Variants in DPYSL3 observed in about 807,000 individuals in gnomAD.
DPYSL3 encodes dihydropyrimidinase-related protein 3.
A neutral mutation model predicts 66.1 loss-of-function variants in DPYSL3; 16 were observed. The observed-to-expected ratio is 0.24, with a 90% CI of 0.16 to 0.37. The LOEUF is 0.37. Among genes scored for constraint, DPYSL3 ranks in the 10% least tolerant of loss-of-function variants. The pLI is 1.00. For missense variants in DPYSL3, 738 were observed against 916.2 expected, an observed-to-expected ratio of 0.81 and a Z score of 2.51; for synonymous variants, 338 against 345.1, an observed-to-expected ratio of 0.98 and a Z score of 0.23.
chr5:147,421,630 C>A (rs1467138613), intron 2 of DPYSL3, among the ~76,000 whole-genome samples: 1 of 152,116 alleles, frequency 6.6e-6, no homozygotes, highest in African/African-American at 2.4e-5. Context: ...TCACAGTAAC[C>A]AAAACAGCAT....
At chr5:147,492,475 A>T (rs1464300665) in intron 1 of DPYSL3, among the ~76,000 whole-genome samples, 2 of 152,160 alleles carry the variant, frequency 1.3e-5, no homozygotes, top group Non-Finnish European at 2.9e-5. Context: ...GCTGATGTAC[A>T]TACATCTGCT....
In DPYSL3 at chr5:147,441,441, T is replaced by A. The variant is rs540554837; in HGVS notation, c.382-16478A>T. 1.8e-3 allele frequency among the ~76,000 whole-genome samples: 273 copies of A among 152,264 alleles called. 3 individuals are homozygous for A. The highest frequency in any genetic ancestry group is 6.0e-3 in the African/African-American group (248 of 41,542). On this transcript the variant is annotated intron_variant, in intron 1 of 13. Coordinates refer to ENST00000343218, the MANE Select transcript of DPYSL3 (RefSeq NM_001197294.2). ...CCCAGTCAGAGTGGATTAGGGCCCA[T>A]CCTAATGACCTCATTTAACTTAATT...
At chr5:147,406,135 G>A (rs1758320175) in intron 7 of DPYSL3, 1 of 153,960 alleles carries the variant, frequency 6.5e-6, no homozygotes, top group African/African-American at 2.4e-5. Context: ...AGCCAAGGCA[G>A]TTAGGCATCA....
intron 4 of DPYSL3, among the ~76,000 whole-genome samples, chr5:147,415,297 T>C (rs143489577): frequency 2.2e-4 from 34 of 152,258 alleles, no homozygotes; most frequent in Admixed American, 3.3e-4. Flanking sequence ...GCAAAAATGA[T>C]ACAGGTTAAA....
chr5:147,425,062 A>G (rs1328030857), intron 1 of DPYSL3, 99 bp from the exon 2 acceptor site: 8 of 853,172 alleles, frequency 9.4e-6, no homozygotes, highest in Non-Finnish European at 1.5e-5. Flanking sequence ...GATGTCTAGT[A>G]GAAACACATT....
At chr5:147,473,583 G>A (rs1386517755) in intron 1 of DPYSL3, among the ~76,000 whole-genome samples, 2 of 152,076 alleles carry the variant, frequency 1.3e-5, no homozygotes, top group African/African-American at 2.4e-5. Flanking sequence ...CTTCTTCTTA[G>A]TTTGGAATTC....
chr5:147,425,971 T>A (rs941569877), intron 1 of DPYSL3, among the ~76,000 whole-genome samples: 5 of 152,002 alleles, frequency 3.3e-5, no homozygotes, highest in Admixed American at 1.3e-4. Flanking sequence ...TTGTGAAGAA[T>A]TCAGCTTCAC....
chr5:147,451,352 C>T (rs1752724461), intron 1 of DPYSL3, among the ~76,000 whole-genome samples: 1 of 152,180 alleles, frequency 6.6e-6, no homozygotes, highest in Admixed American at 6.5e-5. Context: ...CTATGCAGCA[C>T]CACGCCCCAC....
At chr5:147,429,796 T>C (rs1349636909) in intron 1 of DPYSL3, among the ~76,000 whole-genome samples, 1 of 152,174 alleles carries the variant, frequency 6.6e-6, no homozygotes, top group Non-Finnish European at 1.5e-5. Context: ...GGCTCTCTTC[T>C]CTATTTGATA....
chr5:147,406,808 A>C (rs536525387), intron 7 of DPYSL3, among the ~76,000 whole-genome samples: 14 of 152,182 alleles, frequency 9.2e-5, no homozygotes, highest in Non-Finnish European at 1.9e-4. Context: ...CAACACTTAA[A>C]AAAAATACCA....
rs932141180 is a variant in DPYSL3 at position 147,509,895 on chromosome 5, C to G, written c.-37G>C. The G allele has an allele frequency of 6.1e-6, 9 of 1,480,122 alleles. No individual in the cohort carries two copies. In the East Asian group the frequency reaches 2.3e-4, roughly 37 times the overall value. The allele number at this position is 1,480,122 out of a possible 1,614,324, so 91.7% of individuals were successfully genotyped here. A position where few individuals can be genotyped will look rare whatever the true frequency, so the allele number is the denominator to read the frequency against. On this transcript the variant is annotated 5_prime_UTR_variant, in exon 1 of 14. Coordinates refer to ENST00000343218, the MANE Select transcript of DPYSL3 (RefSeq NM_001197294.2). The surrounding 1 kb of genome is among the most constrained non-coding windows in gnomAD (Gnocchi z 5.3). Reference sequence around the variant, plus strand: ...GAAAGCGGCCCGCGGGTTTTTCTTCCCCAGAGGCGGAAAGGGCAGCCGCCG... The same window carrying G: ...GAAAGCGGCCCGCGGGTTTTTCTTCGCCAGAGGCGGAAAGGGCAGCCGCCG...
At chr5:147,453,219 A>G (rs1032377462) in intron 1 of DPYSL3, among the ~76,000 whole-genome samples, 2 of 152,154 alleles carry the variant, frequency 1.3e-5, no homozygotes, top group African/African-American at 4.8e-5. Context: ...GCAAAAACCG[A>G]CACTCCAGGC....
At chr5:147,398,864 C>T (rs1194977600) in intron 11 of DPYSL3, among the ~76,000 whole-genome samples, 1 of 152,204 alleles carries the variant, frequency 6.6e-6, no homozygotes, top group Non-Finnish European at 1.5e-5. Context: ...CTCTATTGGC[C>T]TCTGTCCCTG....
At chr5:147,400,655 T>C (rs1758143228) in intron 10 of DPYSL3, 37 bp downstream of exon 10, 1 of 1,605,844 alleles carries the variant, frequency 6.2e-7, no homozygotes, top group Non-Finnish European at 8.5e-7. Context: ...ATGGATGTTT[T>C]GGCTCTGGCC....
rs968638411 is a variant in DPYSL3 at position 147,402,505 on chromosome 5, G to T, written c.1154-809C>A. ...TGGGACTACAGGCGCCCGCCACCAC[G>T]CCCGGCTAATTTTTTGTATTTTTAG... On this transcript the variant is annotated intron_variant, in intron 8 of 13. Coordinates refer to ENST00000343218, the MANE Select transcript of DPYSL3 (RefSeq NM_001197294.2). Among the ~76,000 whole-genome samples, 4 of 147,900 alleles carry T rather than the reference G, an allele frequency of 2.7e-5. 1 individual carries two copies. Among genetic ancestry groups the T allele is most frequent in the Non-Finnish European group, 5.9e-5 (4 of 67,922 alleles).
intron 1 of DPYSL3, among the ~76,000 whole-genome samples, chr5:147,445,882 G>A (rs528799723): frequency 1.3e-5 from 2 of 152,196 alleles, no homozygotes; most frequent in East Asian, 1.9e-4. Flanking sequence ...TAATACTAAC[G>A]CTCTACTAGG....
At chr5:147,471,654 A>G (rs919686242) in intron 1 of DPYSL3, among the ~76,000 whole-genome samples, 25 of 152,170 alleles carry the variant, frequency 1.6e-4, no homozygotes, top group African/African-American at 6.0e-4. Context: ...TCTCAGAGAA[A>G]AAGGAGCCAT....
At chr5:147,413,745 T>C (rs1018823404) in intron 4 of DPYSL3, 88 bp from the exon 5 acceptor site, 62 of 1,058,844 alleles carry the variant, frequency 5.9e-5, no homozygotes, top group Admixed American at 2.5e-4. Context: ...CCATCGACCA[T>C]AGCACCCAGC....
intron 8 of DPYSL3, among the ~76,000 whole-genome samples, chr5:147,404,322 C>T (rs969875831): frequency 1.3e-5 from 2 of 152,184 alleles, no homozygotes; most frequent in African/African-American, 4.8e-5. Context: ...AGTGTCTAGA[C>T]AATGTGAAAG....
Sources: allele counts gnomAD v4.1 joint callset (sites outside exome capture counted in the v4.1 genomes callset), GRCh38; gene constraint gnomAD v4.1.1; non-coding constraint Gnocchi (gnomAD v3.1); transcripts MANE v1.5; gene names NCBI Gene and HGNC (gene_info 2026-07-23, HGNC 2026-07-21).